The following SLC28A3 variants were observed in gnomAD, a reference collection of about 807,000 sequenced individuals.
SLC28A3 encodes the protein concentrative Na(+)-nucleoside cotransporter 3.
Under a neutral mutation model 84.2 loss-of-function variants are expected in SLC28A3, and 68 were observed. That is an observed-to-expected ratio of 0.81 (90% CI 0.66 to 0.99). The LOEUF (loss-of-function observed/expected upper bound fraction) is 0.99, where lower values mean the gene tolerates loss of function less well. Ranked by LOEUF, SLC28A3 falls within the 50% of genes least tolerant of loss-of-function variation. The probability of loss-of-function intolerance (pLI) is 0.00; values close to 1 mark genes in which losing one functional copy is unlikely to be tolerated. For synonymous variants in SLC28A3, 267 were observed against 303.6 expected (o/e 0.88, Z 1.25); for missense variants, 712 against 841.5 (o/e 0.85, Z 1.90).
chr9:84,362,836 C>T, the SLC28A3 span, among the ~76,000 whole-genome samples: 8,141 of 151,810 alleles, frequency 0.054, 388 homozygotes, highest in African/African-American at 0.12. Flanking sequence ...AGGAAAACTG[C>T]ATTAAAATAT....
At chr9:84,315,632 A>G (rs1428512075) in intron 1 of SLC28A3, among the ~76,000 whole-genome samples, 1 of 152,198 alleles carries the variant, frequency 6.6e-6, no homozygotes, top group African/African-American at 2.4e-5. Flanking sequence ...TTGGCCCCCA[A>G]CAGAGTATAC....
chr9:84,281,853 C>T (rs757973269), intron 14 of SLC28A3, among the ~76,000 whole-genome samples: 13 of 152,286 alleles, frequency 8.5e-5, no homozygotes, highest in Middle Eastern at 6.8e-3. Context: ...GGGCTGGGTG[C>T]GGTGGCTCAC....
In SLC28A3 at chr9:84,298,158, G is replaced by A. The variant is rs147602115; in HGVS notation, c.670-139C>T. 3.1e-4 allele frequency: 214 copies of A among 694,486 alleles called. 2 individuals are homozygous for A. In the East Asian group the frequency reaches 4.8e-3, roughly 16 times the overall value. 43.0% of individuals were successfully genotyped at this position (694,486 alleles called of 1,614,324 possible). On this transcript the variant is annotated intron_variant, in intron 6 of 17. Coordinates refer to ENST00000376238, the MANE Select transcript of SLC28A3 (RefSeq NM_001199633.2). ...CCACCTTCTTTGGGAGGCTACAGCT[G>A]TCATAAGCAGAGAACCCTTTGATAG...
At chr9:84,356,117 C>T in the SLC28A3 span, among the ~76,000 whole-genome samples, 1 of 152,176 alleles carries the variant, frequency 6.6e-6, no homozygotes, top group Non-Finnish European at 1.5e-5. Flanking sequence ...CTGCACCCAG[C>T]ACCTATTATT....
chr9:84,361,217 C>A, the SLC28A3 span, among the ~76,000 whole-genome samples: 3 of 151,850 alleles, frequency 2.0e-5, no homozygotes, highest in South Asian at 6.2e-4. Context: ...TGGTTGTGGG[C>A]GCTTGTAATC....
At chr9:84,283,974 C>G (rs575124036) in intron 14 of SLC28A3, among the ~76,000 whole-genome samples, 1 of 152,274 alleles carries the variant, frequency 6.6e-6, no homozygotes, top group Non-Finnish European at 1.5e-5. Context: ...GGCCACTGAG[C>G]TCCTGTTACC....
At chr9:84,330,059 A>G (rs897405024) in intron 1 of SLC28A3, among the ~76,000 whole-genome samples, 1 of 152,174 alleles carries the variant, frequency 6.6e-6, no homozygotes, top group Non-Finnish European at 1.5e-5. Context: ...GTTAGCAGAA[A>G]GAAAGAAATA....
At chr9:84,317,379 G>T (rs1396228772) in intron 1 of SLC28A3, among the ~76,000 whole-genome samples, 1 of 152,160 alleles carries the variant, frequency 6.6e-6, no homozygotes, top group Non-Finnish European at 1.5e-5. Flanking sequence ...CTACACCTAG[G>T]CTCTGTGGTC....
intron 11 of SLC28A3, 146 bp downstream of exon 11, chr9:84,290,008 C>A: frequency 9.7e-7 from 1 of 1,028,524 alleles, no homozygotes; most frequent in Non-Finnish European, 1.4e-6. Context: ...TGTTCAAATG[C>A]CAAAGCAACT....
At chr9:84,290,430 G>T in intron 10 of SLC28A3, 151 bp from the exon 11 acceptor site, 2 of 910,884 alleles carry the variant, frequency 2.2e-6, no homozygotes, top group Non-Finnish European at 3.1e-6. Context: ...CTGGAAACTC[G>T]TTAGAAATGC....
the SLC28A3 span, among the ~76,000 whole-genome samples, chr9:84,359,354 AAC>A: frequency 2.0e-5 from 3 of 152,346 alleles, no homozygotes; most frequent in African/African-American, 7.2e-5. Context: ...ACAAATCCTA[AAC>A]ACACAGCTAC....
intron 14 of SLC28A3, among the ~76,000 whole-genome samples, chr9:84,282,065 C>T (rs550030137): frequency 6.6e-6 from 1 of 152,320 alleles, no homozygotes; most frequent in Admixed American, 6.5e-5. Context: ...TCACTTGAAC[C>T]CGGGAGGCAG....
chr9:84,368,517 C>T, the SLC28A3 span, among the ~76,000 whole-genome samples: 162 of 152,190 alleles, frequency 1.1e-3, no homozygotes, highest in Admixed American at 2.8e-3. Context: ...GAATGCTGGC[C>T]GGACTGGGTC....
At chr9:84,362,586 C>T in the SLC28A3 span, among the ~76,000 whole-genome samples, 3 of 151,566 alleles carry the variant, frequency 2.0e-5, no homozygotes, top group African/African-American at 7.3e-5. Context: ...GAGCCGAGAT[C>T]GGGCCACTGC....
At position 84,280,789 on chromosome 9, in the gene SLC28A3, C is replaced by A; in HGVS notation, c.1729+12G>T. The A allele has an allele frequency of 6.2e-7, 1 of 1,613,668 alleles. No homozygotes were observed. The highest frequency in any genetic ancestry group is 8.5e-7 in the Non-Finnish European group (1 of 1,179,698). ...CACATCTGTGTTGTTGAAGAATGTT[C>A]TTTTCACTTACTGAGTCCGCCGATC... is the stretch of plus-strand genomic sequence containing the variant. On this transcript the variant is annotated intron_variant, in intron 15 of 17. Coordinates refer to ENST00000376238, the MANE Select transcript of SLC28A3 (RefSeq NM_001199633.2).
chr9:84,349,453 T>G, the SLC28A3 span, among the ~76,000 whole-genome samples: 1 of 152,228 alleles, frequency 6.6e-6, no homozygotes, highest in Non-Finnish European at 1.5e-5. Context: ...GCCAAGCTGG[T>G]CTTGAACTCC....
rs1278878173 is a variant in SLC28A3, at chr9:84,297,994, C to T, written c.695G>A (p.Gly232Glu). The T allele has an allele frequency of 3.1e-6, 5 of 1,612,034 alleles. No homozygotes were observed. The highest frequency in any genetic ancestry group is 4.2e-6 in the Non-Finnish European group (5 of 1,179,600). ...CCCAAGAAGAAACTGTAGCCCGATTCCCCATAAGACAGGTCTCCAGTAAAC... is the reference window on the plus strand; with the variant it reads ...CCCAAGAAGAAACTGTAGCCCGATTTCCCATAAGACAGGTCTCCAGTAAAC... ...TRVYWRPVLW[G>E]IGLQFLLGLL... The change falls in exon 7 of 18, where the codon GGA becomes GAA. Residue 232 changes from glycine to glutamate, a missense_variant. Gly to Glu is a moderately conservative substitution (Grantham distance 98, BLOSUM62 -2). Transcript: ENST00000376238.
Position 84,317,406 on chromosome 9 carries a change from T to C in SLC28A3, c.61-3952A>G, listed in dbSNP as rs369033577. On this transcript the variant is annotated intron_variant, in intron 1 of 17. Coordinates refer to ENST00000376238, the MANE Select transcript of SLC28A3 (RefSeq NM_001199633.2). ...TCTGTGGTCATTTCTCAAGCCACAA[T>C]AGTGGTCTTCCTGCCCTGTACGCTG... is the stretch of plus-strand genomic sequence containing the variant. Among the ~76,000 whole-genome samples, 44 of 152,316 alleles carry C rather than the reference T, an allele frequency of 2.9e-4. No homozygotes were observed. In the South Asian group the frequency reaches 8.9e-3, roughly 31 times the overall value.
At position 84,278,192 on chromosome 9, in the gene SLC28A3, G is replaced by C. The variant is rs1270985247; in HGVS notation, c.*26C>G. The C allele has an allele frequency of 6.2e-7, 1 of 1,608,246 alleles. No homozygotes were observed. Reference sequence around the variant, plus strand: ...CAGAAAATTCAGCATCTGTACTTCAGAGTTCCACTGGAGAAGTGGCTGACC... The same window carrying C: ...CAGAAAATTCAGCATCTGTACTTCACAGTTCCACTGGAGAAGTGGCTGACC... On this transcript the variant is annotated 3_prime_UTR_variant, in exon 18 of 18. Transcript: ENST00000376238.
Sources: allele counts gnomAD v4.1 joint callset (sites outside exome capture counted in the v4.1 genomes callset), GRCh38; gene constraint gnomAD v4.1.1; transcripts MANE v1.5; gene names NCBI Gene and HGNC (gene_info 2026-07-23, HGNC 2026-07-21).